Variants in BABAM2 observed in about 807,000 individuals in gnomAD.
BABAM2 encodes BRISC and BRCA1 A complex member 2.
Under a neutral mutation model 54.7 loss-of-function variants are expected in BABAM2, and 31 were observed. The ratio of observed to expected loss-of-function variants is 0.57; its 90% CI spans 0.43 to 0.77. BABAM2 has a LOEUF of 0.77. BABAM2 is among the 30% of genes least tolerant of loss of function. The pLI, the probability that BABAM2 is intolerant of heterozygous loss-of-function variation, is 0.00. For synonymous variants in BABAM2, 167 were observed against 162.9 expected (o/e 1.03, Z -0.19); for missense variants, 364 against 455.8 (o/e 0.80, Z 1.83).
At chr2:28,070,285 G>A (rs1056704564) in intron 6 of BABAM2, among the ~76,000 whole-genome samples, 5 of 152,176 alleles carry the variant, frequency 3.3e-5, no homozygotes, top group Admixed American at 2.0e-4. Flanking sequence ...GCTTCAGGGT[G>A]CTATGAAAAC....
intron 7 of BABAM2, among the ~76,000 whole-genome samples, chr2:28,136,592 C>T (rs575133803): frequency 2.2e-4 from 34 of 152,300 alleles, no homozygotes; most frequent in African/African-American, 7.5e-4. Flanking sequence ...CCTTTATGGT[C>T]GCCTGTTCAT....
chr2:28,073,962 T>C (rs1473126754), intron 6 of BABAM2, among the ~76,000 whole-genome samples: 1 of 152,094 alleles, frequency 6.6e-6, no homozygotes, highest in Non-Finnish European at 1.5e-5. Flanking sequence ...GGTTTTTATA[T>C]ATAAATATAT....
At chr2:28,224,262 G>A (rs1680671149) in intron 7 of BABAM2, among the ~76,000 whole-genome samples, 1 of 152,194 alleles carries the variant, frequency 6.6e-6, no homozygotes. Context: ...AGGACATAGA[G>A]TGGTGACTTG....
At chr2:28,083,207 T>G (rs1665336817) in intron 6 of BABAM2, among the ~76,000 whole-genome samples, 3 of 152,216 alleles carry the variant, frequency 2.0e-5, no homozygotes, top group Admixed American at 2.0e-4. Context: ...AACTGCTGCT[T>G]CTTCCACTCC....
At chr2:28,309,850 G>A in intron 11 of BABAM2, 1 of 510,204 alleles carries the variant, frequency 2.0e-6, no homozygotes, top group South Asian at 2.6e-5. Context: ...GAGCCCCCGA[G>A]AAGACAATAA....
chr2:27,909,612 C>G (rs1351091910), intron 2 of BABAM2, among the ~76,000 whole-genome samples: 1 of 152,176 alleles, frequency 6.6e-6, no homozygotes, highest in Non-Finnish European at 1.5e-5. Context: ...TTAAATTTCT[C>G]TAGCCTGCCC....
At chr2:28,215,373 A>G (rs1168326423) in intron 7 of BABAM2, among the ~76,000 whole-genome samples, 1 of 152,212 alleles carries the variant, frequency 6.6e-6, no homozygotes, top group Non-Finnish European at 1.5e-5. Context: ...AAATGAGATA[A>G]TGTATGTAAG....
intron 1 of BABAM2, among the ~76,000 whole-genome samples, chr2:27,893,939 A>T (rs1295442942): frequency 6.8e-6 from 1 of 147,276 alleles, no homozygotes; most frequent in Non-Finnish European, 1.5e-5. Context: ...GTTTGCAGTG[A>T]GCCGAGATTG....
intron 10 of BABAM2, among the ~76,000 whole-genome samples, chr2:28,281,188 G>A (rs1573991294): frequency 6.6e-6 from 1 of 152,076 alleles, no homozygotes; most frequent in Admixed American, 6.6e-5. Flanking sequence ...TGCCCCCACC[G>A]GCATTCAAGG....
chr2:27,909,701 G>C (rs561709657), intron 2 of BABAM2, among the ~76,000 whole-genome samples: 1 of 152,296 alleles, frequency 6.6e-6, no homozygotes, highest in South Asian at 2.1e-4. Context: ...CCAGACCTTT[G>C]TATCACTAGT....
intron 10 of BABAM2, among the ~76,000 whole-genome samples, chr2:28,274,787 A>C (rs1215981713): frequency 1.3e-5 from 2 of 152,222 alleles, no homozygotes; most frequent in Non-Finnish European, 2.9e-5. Flanking sequence ...TTGCATGTAC[A>C]GTGTCCCTTT....
intron 3 of BABAM2, 154 bp downstream of exon 3, chr2:27,930,062 G>A: frequency 1.5e-6 from 1 of 668,338 alleles, no homozygotes. Context: ...TTCAATTCTA[G>A]TTTGATTAAA....
intron 2 of BABAM2, among the ~76,000 whole-genome samples, chr2:27,913,709 G>A (rs1666770246): frequency 6.6e-6 from 1 of 152,098 alleles, no homozygotes; most frequent in African/African-American, 2.4e-5. Context: ...TTTTGGGCAA[G>A]GAGAGAATGT....
chr2:28,019,809 T>A (rs1257540909), intron 4 of BABAM2, among the ~76,000 whole-genome samples: 1 of 152,198 alleles, frequency 6.6e-6, no homozygotes, highest in Non-Finnish European at 1.5e-5. Flanking sequence ...GCTGTAAGTA[T>A]TTGGCTTTAT....
intron 7 of BABAM2, among the ~76,000 whole-genome samples, chr2:28,159,171 T>C (rs1400068849): frequency 6.6e-6 from 1 of 152,250 alleles, no homozygotes; most frequent in Non-Finnish European, 1.5e-5. Flanking sequence ...ACAACATTTA[T>C]TTGAGTGCCT....
intron 10 of BABAM2, among the ~76,000 whole-genome samples, chr2:28,256,205 T>C (rs962682558): frequency 5.9e-5 from 9 of 152,214 alleles, no homozygotes; most frequent in South Asian, 4.1e-4. Flanking sequence ...ACACATTAAA[T>C]AGTAATATCC....
chr2:28,021,288 G>T (rs1343895685), intron 4 of BABAM2, among the ~76,000 whole-genome samples: 3 of 152,140 alleles, frequency 2.0e-5, no homozygotes, highest in Non-Finnish European at 4.4e-5. Context: ...AGTGTTTGGA[G>T]CTTCAAAGAG....
intron 10 of BABAM2, 121 bp downstream of exon 10, chr2:28,244,983 A>G (rs1660347433): frequency 2.8e-6 from 2 of 719,816 alleles, no homozygotes; most frequent in Admixed American, 3.3e-5. Context: ...TAGCGTATAT[A>G]TATATTTATT....
At chr2:28,244,291 T>G (rs553953242) in intron 9 of BABAM2, among the ~76,000 whole-genome samples, 1 of 152,274 alleles carries the variant, frequency 6.6e-6, no homozygotes, top group African/African-American at 2.4e-5. Flanking sequence ...AATACTGTCA[T>G]TGCATATTAC....
Sources: allele counts gnomAD v4.1 joint callset (sites outside exome capture counted in the v4.1 genomes callset), GRCh38; gene constraint gnomAD v4.1.1; transcripts MANE v1.5; gene names NCBI Gene and HGNC (gene_info 2026-07-23, HGNC 2026-07-21).